The following GLIS3 variants were observed in gnomAD, a reference collection of about 807,000 sequenced individuals.
The protein encoded by GLIS3 is zinc finger protein GLIS3.
A neutral mutation model predicts 78.6 loss-of-function variants in GLIS3; 53 were observed. The ratio of observed to expected loss-of-function variants is 0.67; its 90% CI spans 0.54 to 0.85. The LOEUF (loss-of-function observed/expected upper bound fraction) is 0.85. Among genes scored for constraint, GLIS3 ranks in the 40% least tolerant of loss-of-function variants. GLIS3 has a pLI of 0.00. For missense variants in GLIS3, 1,703 were observed against 1,231.1 expected (o/e 1.38, Z -5.74); for synonymous variants, 684 against 509.9 (o/e 1.34, Z -4.60).
At chr9:4,272,454 T>TG (rs1346632886) in intron 2 of GLIS3, among the ~76,000 whole-genome samples, 1 of 152,108 alleles carries the variant, frequency 6.6e-6, no homozygotes, top group Non-Finnish European at 1.5e-5. Context: ...CAGCATAACA[T>TG]GGGGTAAAAA....
At chr9:4,489,370 GGGATTTAGTCATCAGAAAATCTAGTA>G in the GLIS3 span, among the ~76,000 whole-genome samples, 1 of 152,062 alleles carries the variant, frequency 6.6e-6, no homozygotes, top group Admixed American at 6.6e-5. Flanking sequence ...TCTAATTGTG[GGGATTTAGTCATCAGAAAATCTAGTA>G]GGGGAAATTC....
chr9:4,053,534 G>A (rs962222549), intron 4 of GLIS3, among the ~76,000 whole-genome samples: 1 of 151,678 alleles, frequency 6.6e-6, no homozygotes, highest in Admixed American at 6.6e-5. Context: ...GGGCAGGACT[G>A]TTCCTGTCTT....
At chr9:4,075,087 G>A (rs1213268774) in intron 4 of GLIS3, among the ~76,000 whole-genome samples, 2 of 95,222 alleles carry the variant, frequency 2.1e-5, no homozygotes, top group Admixed American at 2.3e-4. Flanking sequence ...AAAAGACTGA[G>A]ATGAACAACA....
At chr9:4,063,685 A>G (rs1826843615) in intron 4 of GLIS3, among the ~76,000 whole-genome samples, 1 of 152,232 alleles carries the variant, frequency 6.6e-6, no homozygotes. Flanking sequence ...CAAACAAGAA[A>G]ACGAATGAGA....
chr9:3,835,996 G>A (rs1017894723), intron 9 of GLIS3, among the ~76,000 whole-genome samples: 2 of 152,098 alleles, frequency 1.3e-5, no homozygotes, highest in African/African-American at 4.8e-5. Context: ...TTTTCTTTAC[G>A]GGATACATAG....
the GLIS3 span, among the ~76,000 whole-genome samples, chr9:4,423,252 CAGACCCCA>C: frequency 6.6e-6 from 1 of 152,168 alleles, no homozygotes; most frequent in Non-Finnish European, 1.5e-5. Flanking sequence ...TCTGACGTCA[CAGACCCCA>C]AGACCCCTAA....
chr9:4,418,556 G>A, the GLIS3 span, among the ~76,000 whole-genome samples: 1 of 152,218 alleles, frequency 6.6e-6, no homozygotes, highest in Admixed American at 6.5e-5. Context: ...AAAATCAGCT[G>A]GGCGTAGTGG....
rs774662138 is a variant in GLIS3 at position 4,116,808 on chromosome 9, TTTAAA to T, written c.1710+955_1710+959del. 3.9e-5 allele frequency among the ~76,000 whole-genome samples: 6 copies of T among 152,342 alleles called. No individual in the cohort carries two copies. In the East Asian group the frequency reaches 9.6e-4, roughly 24 times the overall value. ...CAGGGAATATATAGAAATCTTAGAC[TTTAAA>T]TGAAATATTTCTGTCCATCTAAACT... On this transcript the variant is annotated intron_variant, in intron 4 of 10. Coordinates refer to ENST00000381971, the MANE Select transcript of GLIS3 (RefSeq NM_001042413.2).
Position 4,273,093 on chromosome 9 carries a change from T to C in GLIS3, c.388+12945A>G, listed in dbSNP as rs936982780. Reference sequence around the variant, plus strand: ...TACGGTTCTAAATCCATATATCAAGTAGCTTTTCATACTGCCTAGACTGGA... The same window carrying C: ...TACGGTTCTAAATCCATATATCAAGCAGCTTTTCATACTGCCTAGACTGGA... On this transcript the variant is annotated intron_variant, in intron 2 of 10. Transcript: ENST00000381971. 3.3e-5 allele frequency among the ~76,000 whole-genome samples: 5 copies of C among 152,232 alleles called. No homozygotes were observed. In the South Asian group the frequency reaches 6.2e-4, roughly 19 times the overall value.
chr9:4,011,240 C>T (rs1041028623), intron 4 of GLIS3, among the ~76,000 whole-genome samples: 2 of 152,160 alleles, frequency 1.3e-5, no homozygotes, highest in Admixed American at 6.6e-5. Flanking sequence ...TGGCAAGCAG[C>T]TGCTGAGGTG....
intron 4 of GLIS3, among the ~76,000 whole-genome samples, chr9:3,990,090 G>T (rs2129751177): frequency 6.6e-6 from 1 of 152,330 alleles, no homozygotes; most frequent in Middle Eastern, 3.4e-3. Context: ...CAATGTGAAT[G>T]AAGAAACCAG....
At chr9:4,375,304 G>C in the GLIS3 span, among the ~76,000 whole-genome samples, 4 of 152,184 alleles carry the variant, frequency 2.6e-5, no homozygotes, top group African/African-American at 9.6e-5. Flanking sequence ...CAAAGTTCTC[G>C]TGGAACAAAC....
Position 4,306,941 on chromosome 9 carries a change from G to A in GLIS3, n.584+1836C>T, listed in dbSNP as rs117845671. Among the ~76,000 whole-genome samples the A allele has an allele frequency of 1.1e-3, 174 of 152,352 alleles. 1 individual carries two copies. The East Asian group carries it at 0.012, about 10-fold the overall frequency. Reference sequence around the variant, plus strand: ...ACTTGATAATAACGTTATCTCAGCAGATTGCGTAAGTCAGAAATGTTCTCC... The same window carrying A: ...ACTTGATAATAACGTTATCTCAGCAAATTGCGTAAGTCAGAAATGTTCTCC... On this transcript the variant is annotated intron_variant and non_coding_transcript_variant, in intron 4 of 4. Transcript: ENST00000471664.
intron 6 of GLIS3, among the ~76,000 whole-genome samples, chr9:3,919,743 A>G (rs1588227609): frequency 6.6e-6 from 1 of 152,156 alleles, no homozygotes; most frequent in East Asian, 1.9e-4. Context: ...TCAGTTACCA[A>G]GAAAGGGGCT....
At chr9:3,847,511 T>G (rs1335701625) in intron 9 of GLIS3, among the ~76,000 whole-genome samples, 1 of 152,268 alleles carries the variant, frequency 6.6e-6, no homozygotes, top group Non-Finnish European at 1.5e-5. Flanking sequence ...AATACTCATA[T>G]TCATCAAACA....
chr9:4,049,509 A>C (rs112849911), intron 4 of GLIS3, among the ~76,000 whole-genome samples: 3 of 152,290 alleles, frequency 2.0e-5, no homozygotes, highest in Non-Finnish European at 2.9e-5. Flanking sequence ...AGATGCCGGC[A>C]GGAGTGTCGT....
chr9:4,141,574 C>T (rs1027370353), intron 2 of GLIS3, among the ~76,000 whole-genome samples: 1 of 152,192 alleles, frequency 6.6e-6, no homozygotes, highest in African/African-American at 2.4e-5. Flanking sequence ...CTAGCAATAA[C>T]TGAGATTAAA....
intron 2 of GLIS3, among the ~76,000 whole-genome samples, chr9:4,260,879 T>C (rs975765374): frequency 3.9e-5 from 6 of 152,230 alleles, no homozygotes; most frequent in African/African-American, 1.4e-4. Context: ...AAGGCTGTAC[T>C]GTCTAATACG....
chr9:4,125,128 G>C (rs1037728383), intron 3 of GLIS3, among the ~76,000 whole-genome samples: 8 of 152,132 alleles, frequency 5.3e-5, no homozygotes, highest in Admixed American at 5.2e-4. Flanking sequence ...ACATTGTGTT[G>C]AAATGTTATG....
Sources: gnomAD v4.1 joint callset for allele counts (sites outside exome capture counted in the v4.1 genomes callset) on GRCh38, gnomAD v4.1.1 for gene constraint, MANE v1.5 for transcripts, NCBI Gene and HGNC (gene_info 2026-07-23, HGNC 2026-07-21) for gene names.